Variants in SEMA4D observed in about 807,000 individuals in gnomAD.
The protein encoded by SEMA4D is semaphorin 4D.
SEMA4D carries 22 observed loss-of-function variants against 74.8 expected under a neutral mutation model. That is an observed-to-expected ratio of 0.29 (90% CI 0.21 to 0.42). The LOEUF is 0.42. Among genes scored for constraint, SEMA4D ranks in the 10% least tolerant of loss-of-function variants. The pLI, the probability that SEMA4D is intolerant of heterozygous loss-of-function variation, is 1.00. For missense variants in SEMA4D, 937 were observed against 1,118.4 expected (o/e 0.84, Z 2.31); for synonymous variants, 445 against 463.7 (o/e 0.96, Z 0.52).
intron 9 of SEMA4D, among the ~76,000 whole-genome samples, chr9:89,390,108 T>G (rs1839487881): frequency 6.6e-6 from 1 of 152,208 alleles, no homozygotes; most frequent in African/African-American, 2.4e-5. Flanking sequence ...TCACTGATCC[T>G]GCTGCAAACC....
chr9:89,430,154 G>A (rs1055819820), intron 2 of SEMA4D, among the ~76,000 whole-genome samples: 4 of 152,050 alleles, frequency 2.6e-5, no homozygotes, highest in African/African-American at 9.7e-5. Context: ...TTCACACAGG[G>A]AAGGGAATTA....
chr9:89,452,324 G>A (rs539062482), intron 2 of SEMA4D, among the ~76,000 whole-genome samples: 134 of 151,804 alleles, frequency 8.8e-4, no homozygotes, highest in Non-Finnish European at 1.5e-3. Context: ...GACTATAGGC[G>A]CCCACCACAA....
At chr9:89,385,918 C>CAG (rs34085513) in intron 13 of SEMA4D, 237,885 of 980,158 alleles carry the variant, frequency 0.24, 30,591 homozygotes, top group African/African-American at 0.46. Context: ...CAGGCCAGAC[C>CAG]AGAGTCTCAG....
intron 16 of SEMA4D, among the ~76,000 whole-genome samples, chr9:89,371,251 G>A (rs1834657203): frequency 7.1e-6 from 1 of 139,876 alleles, no homozygotes. Context: ...GTGCGTATGT[G>A]GGGTGGGCTG....
At chr9:89,485,562 G>A (rs1256666338) in intron 1 of SEMA4D, among the ~76,000 whole-genome samples, 1 of 152,132 alleles carries the variant, frequency 6.6e-6, no homozygotes, top group African/African-American at 2.4e-5. Flanking sequence ...GCCAAGACGG[G>A]AGGATCACCT....
chr9:89,478,142 C>A (rs573279714), intron 1 of SEMA4D, among the ~76,000 whole-genome samples: 1 of 152,208 alleles, frequency 6.6e-6, no homozygotes, highest in Non-Finnish European at 1.5e-5. Context: ...GCTCAGCCCG[C>A]GCAGTATTTC....
At chr9:89,430,414 G>T (rs1046189507) in intron 2 of SEMA4D, among the ~76,000 whole-genome samples, 1 of 152,170 alleles carries the variant, frequency 6.6e-6, no homozygotes, top group Non-Finnish European at 1.5e-5. Flanking sequence ...CTCTAGGGGT[G>T]GCTATTGTCC....
chr9:89,379,773 C>T, intron 15 of SEMA4D, 144 bp from the exon 16 acceptor site: 1 of 1,007,320 alleles, frequency 9.9e-7, no homozygotes, highest in Non-Finnish European at 1.4e-6. Flanking sequence ...GAGATAAAGA[C>T]ATGCGTGACC....
intron 1 of SEMA4D, among the ~76,000 whole-genome samples, chr9:89,488,282 T>C (rs1307313252): frequency 6.7e-6 from 1 of 149,392 alleles, no homozygotes; most frequent in Non-Finnish European, 1.5e-5. Flanking sequence ...ATCGGAAGTC[T>C]ACATGTAAAA....
At chr9:89,437,835 C>T (rs1168674905) in intron 2 of SEMA4D, among the ~76,000 whole-genome samples, 4 of 152,214 alleles carry the variant, frequency 2.6e-5, no homozygotes, top group Admixed American at 6.5e-5. Context: ...GTCCGCAGCT[C>T]GGGACATAGC....
intron 1 of SEMA4D, among the ~76,000 whole-genome samples, chr9:89,471,493 C>T (rs1485130328): frequency 1.3e-5 from 2 of 152,252 alleles, no homozygotes; most frequent in African/African-American, 4.8e-5. Flanking sequence ...CCCCACCACA[C>T]TCTCCAGATA....
rs577965495 is a variant in SEMA4D at position 89,449,789 on chromosome 9, C to A, written c.-244+6099G>T. On this transcript the variant is annotated intron_variant, in intron 2 of 15. Transcript: ENST00000422704. ...AGATGAAGAAACGTATTGCTTTTCC[C>A]ACCAGCATTTTGGTAAATAACTGTG... The A allele has an allele frequency of 4.7e-6, 7 of 1,503,258 alleles. No homozygotes were observed. In the African/African-American group the frequency reaches 5.5e-5, roughly 12 times the overall value. 93.1% of individuals were successfully genotyped at this position (1,503,258 alleles called of 1,614,324 possible). A position where few individuals can be genotyped will look rare whatever the true frequency, so the allele number is the denominator to read the frequency against.
chr9:89,444,843 C>A (rs1267872424), intron 2 of SEMA4D, among the ~76,000 whole-genome samples: 1 of 151,816 alleles, frequency 6.6e-6, no homozygotes. Context: ...AAGAAACTGG[C>A]AAAGAAAAGA....
At chr9:89,479,934 C>T (rs1862784241) in intron 1 of SEMA4D, 1 of 152,388 alleles carries the variant, frequency 6.6e-6, no homozygotes, top group Non-Finnish European at 1.5e-5. Context: ...TATCTGGCCC[C>T]ACCCACATCC....
intron 2 of SEMA4D, among the ~76,000 whole-genome samples, chr9:89,438,098 A>G (rs951027642): frequency 6.6e-6 from 1 of 152,080 alleles, no homozygotes; most frequent in Non-Finnish European, 1.5e-5. Flanking sequence ...CTGTGGAGGG[A>G]GCAGCCTCCC....
At chr9:89,459,179 C>G (rs1856678297) in intron 1 of SEMA4D, among the ~76,000 whole-genome samples, 1 of 152,212 alleles carries the variant, frequency 6.6e-6, no homozygotes, top group Admixed American at 6.5e-5. Context: ...CGGCCTGCAG[C>G]AGAACCCCTG....
chr9:89,450,647 T>C, intron 2 of SEMA4D: 2 of 532,416 alleles, frequency 3.8e-6, no homozygotes, highest in African/African-American at 3.2e-5. Context: ...GTTCTGCAAG[T>C]CGAAAAACCC....
At chr9:89,436,869 G>A (rs1219999315) in intron 2 of SEMA4D, among the ~76,000 whole-genome samples, 6 of 152,226 alleles carry the variant, frequency 3.9e-5, no homozygotes, top group Non-Finnish European at 8.8e-5. Context: ...CAGTCATCTG[G>A]GGGCTCCATG....
chr9:89,448,085 C>T (rs1308885175), intron 2 of SEMA4D, among the ~76,000 whole-genome samples: 1 of 152,160 alleles, frequency 6.6e-6, no homozygotes, highest in African/African-American at 2.4e-5. Context: ...AGTCACACTC[C>T]CACCTCAGCC....
Sources: gnomAD v4.1 joint callset for allele counts (sites outside exome capture counted in the v4.1 genomes callset) on GRCh38, gnomAD v4.1.1 for gene constraint, MANE v1.5 for transcripts, NCBI Gene and HGNC (gene_info 2026-07-23, HGNC 2026-07-21) for gene names.